The following SMIM8 variants were observed in gnomAD, a reference collection of about 807,000 sequenced individuals.
The protein encoded by SMIM8 is small integral membrane protein 8, also known as UPF0708 protein C6orf162.
SMIM8 carries 8 observed loss-of-function variants against 8.1 expected under a neutral mutation model. That is an observed-to-expected ratio of 0.99 (90% CI 0.58 to 1.78). The LOEUF (loss-of-function observed/expected upper bound fraction) is 1.78. SMIM8 is among the 40% of genes most tolerant of loss of function. The pLI is 0.00. For missense variants in SMIM8, 126 were observed against 119.8 expected, an observed-to-expected ratio of 1.05 and a Z score of -0.24; for synonymous variants, 45 against 39.7, an observed-to-expected ratio of 1.13 and a Z score of -0.50.
At chr6:87,324,630 T>A (rs1311283086) in intron 1 of SMIM8, among the ~76,000 whole-genome samples, 1 of 138,882 alleles carries the variant, frequency 7.2e-6, no homozygotes, top group Admixed American at 7.1e-5. Context: ...TTGATCTATA[T>A]CTCTGTTTTG....
Position 87,333,921 on chromosome 6 carries a change from C to T in SMIM8, c.-23-3088C>T, listed in dbSNP as rs1269756823. 5.3e-5 allele frequency among the ~76,000 whole-genome samples: 8 copies of T among 152,088 alleles called. No individual in the cohort carries two copies. In the South Asian group the frequency reaches 1.2e-3, roughly 24 times the overall value. On this transcript the variant is annotated intron_variant, in intron 2 of 3. Coordinates refer to ENST00000392863, the MANE Select transcript of SMIM8 (RefSeq NM_001042493.3). ...AAAGCAAAGAGGTTTAATTGGCTCA[C>T]GGTTCAGCAGGCTGTACAGGAAGCA...
chr6:87,323,959 T>A (rs913334259), intron 1 of SMIM8, among the ~76,000 whole-genome samples: 1 of 151,470 alleles, frequency 6.6e-6, no homozygotes, highest in African/African-American at 2.4e-5. Flanking sequence ...TTTTAATGAT[T>A]GCCATTCTAA....
At chr6:87,324,063 A>G (rs547658033) in intron 1 of SMIM8, among the ~76,000 whole-genome samples, 1 of 151,234 alleles carries the variant, frequency 6.6e-6, no homozygotes, top group South Asian at 2.1e-4. Flanking sequence ...TTGGCTGCAT[A>G]AATGTCTTCT....
At chr6:87,326,438 A>G (rs1256228384) in intron 1 of SMIM8, among the ~76,000 whole-genome samples, 1 of 151,872 alleles carries the variant, frequency 6.6e-6, no homozygotes, top group East Asian at 1.9e-4. Flanking sequence ...GCTGCTTTGA[A>G]TGCATCCCAG....
At chr6:87,323,887 C>T (rs955139431) in intron 1 of SMIM8, among the ~76,000 whole-genome samples, 1 of 152,112 alleles carries the variant, frequency 6.6e-6, no homozygotes, top group African/African-American at 2.4e-5. Context: ...TTACAGGCCA[C>T]CAACAGTGTA....
chr6:87,335,798 A>G (rs1039477601), intron 2 of SMIM8, among the ~76,000 whole-genome samples: 2 of 143,182 alleles, frequency 1.4e-5, no homozygotes, highest in Non-Finnish European at 3.0e-5. Flanking sequence ...CTTTGTTGCC[A>G]GGAGTTTGAG....
chr6:87,332,875 A>G (rs1278826330), intron 2 of SMIM8, among the ~76,000 whole-genome samples: 1 of 152,174 alleles, frequency 6.6e-6, no homozygotes, highest in African/African-American at 2.4e-5. Flanking sequence ...TAACATGGCC[A>G]TGGGCTATTT....
At position 87,325,097 on chromosome 6, in the gene SMIM8, G is replaced by A. The variant is rs1385692835; in HGVS notation, c.-45+2465G>A. Among the ~76,000 whole-genome samples the A allele has an allele frequency of 2.0e-5, 3 of 152,218 alleles. No individual in the cohort carries two copies. In the East Asian group the frequency reaches 5.8e-4, roughly 29 times the overall value. Reference sequence around the variant, plus strand: ...GTTGCTGGTGTATAAGAATGCTTGTGATTTTTGTACATTGATTTTGTATCC... The same window carrying A: ...GTTGCTGGTGTATAAGAATGCTTGTAATTTTTGTACATTGATTTTGTATCC... On this transcript the variant is annotated intron_variant, in intron 1 of 3. Transcript: ENST00000392863.
At position 87,332,320 on chromosome 6, in the gene SMIM8, C is replaced by CATATATAT. The variant is rs1209129014; in HGVS notation, c.-24+1614_-24+1615insATATATAT. Among the ~76,000 whole-genome samples, 75 of 93,104 alleles carry CATATATAT rather than the reference C, an allele frequency of 8.1e-4. 1 individual carries two copies. The highest frequency in any genetic ancestry group is 2.3e-3 in the African/African-American group (53 of 22,618). The allele number at this position is 93,104 out of a possible 152,430, so 61.1% of individuals were successfully genotyped here. On this transcript the variant is annotated intron_variant, in intron 2 of 3. Coordinates refer to ENST00000392863, the MANE Select transcript of SMIM8 (RefSeq NM_001042493.3). ...TCTTTCTCCTCCTCTCCTCCCCCCC[C>CATATATAT]ATATATGTATATATATATATATAAA... is the stretch of plus-strand genomic sequence containing the variant.
Position 87,340,314 on chromosome 6 carries a change from T to C in SMIM8, c.*40T>C, listed in dbSNP as rs78535719. On this transcript the variant is annotated 3_prime_UTR_variant, in exon 4 of 4. Coordinates refer to ENST00000392863, the MANE Select transcript of SMIM8 (RefSeq NM_001042493.3). The stretch of plus-strand genomic sequence containing the variant: ...GCAGATGGACCTTTATTAAAGGTTC[T>C]GAAATCTTCAAATGAAAGACCTTGT... 4,287 of 1,496,432 alleles carry C rather than the reference T, an allele frequency of 2.9e-3. 101 individuals carry two copies. In the African/African-American group the frequency reaches 0.053, roughly 18 times the overall value. 92.7% of individuals were successfully genotyped at this position (1,496,432 alleles called of 1,614,324 possible).
At chr6:87,326,284 TTGG>T (rs1473574295) in intron 1 of SMIM8, among the ~76,000 whole-genome samples, 1 of 152,252 alleles carries the variant, frequency 6.6e-6, no homozygotes, top group African/African-American at 2.4e-5. Flanking sequence ...TGCTCTGATT[TTGG>T]TTATTTCTTG....
intron 2 of SMIM8, among the ~76,000 whole-genome samples, chr6:87,335,795 G>T (rs1337304041): frequency 7.0e-6 from 1 of 143,620 alleles, no homozygotes; most frequent in Non-Finnish European, 1.5e-5. Flanking sequence ...TTGCTTTGTT[G>T]CCAGGAGTTT....
At chr6:87,328,572 G>A (rs909825062) in intron 1 of SMIM8, among the ~76,000 whole-genome samples, 1 of 152,054 alleles carries the variant, frequency 6.6e-6, no homozygotes, top group African/African-American at 2.4e-5. Context: ...TCGGGGGTCA[G>A]GGGTCAGGGA....
Position 87,340,112 on chromosome 6 carries a change from A to T in SMIM8, c.136-4A>T. 6.5e-7 allele frequency: 1 copy of T among 1,539,168 alleles called. No homozygotes were observed. ...AAGCTTTATAATTTTTTTTTCTTTG[A>T]CAGAACAAACCTGTAATGGCTTTCG... is the stretch of plus-strand genomic sequence containing the variant. On this transcript the variant is annotated splice_polypyrimidine_tract_variant and splice_region_variant and intron_variant, in intron 3 of 3. Transcript: ENST00000392863.
chr6:87,339,931 T>C (rs1371455951), intron 3 of SMIM8, among the ~76,000 whole-genome samples, 185 bp from the exon 4 acceptor site: 4 of 152,172 alleles, frequency 2.6e-5, no homozygotes, highest in Non-Finnish European at 4.4e-5. Flanking sequence ...CTATAATCTC[T>C]AGATAATCAG....
At chr6:87,325,539 T>C (rs983745726) in intron 1 of SMIM8, among the ~76,000 whole-genome samples, 1 of 149,682 alleles carries the variant, frequency 6.7e-6, no homozygotes, top group African/African-American at 2.5e-5. Flanking sequence ...GGTTTTTGTC[T>C]TTGGTTCTGT....
chr6:87,328,902 A>G lies in SMIM8; in HGVS notation c.-44-1790A>G, dbSNP rs1441955192. On this transcript the variant is annotated intron_variant, in intron 1 of 3. Transcript: ENST00000392863. Reference sequence around the variant, plus strand: ...CAGACTGCTGTGCTAGCAATCAGCCAGACTCCGTGGGCGTAGGACCCTCCG... The same window carrying G: ...CAGACTGCTGTGCTAGCAATCAGCCGGACTCCGTGGGCGTAGGACCCTCCG... Among the ~76,000 whole-genome samples, 3 of 152,314 alleles carry G rather than the reference A, an allele frequency of 2.0e-5. No homozygotes were observed. In the East Asian group the frequency reaches 5.8e-4, roughly 29 times the overall value.
At position 87,340,848 on chromosome 6, in the gene SMIM8, G is replaced by C. The variant is rs1488874957; in HGVS notation, c.*574G>C. 1 of 153,192 alleles carries C rather than the reference G, an allele frequency of 6.5e-6. No homozygotes were observed. The highest frequency in any genetic ancestry group is 2.4e-5 in the African/African-American group (1 of 41,288). The allele number at this position is 153,192 out of a possible 1,614,324, so 9.5% of individuals were successfully genotyped here. A position where few individuals can be genotyped will look rare whatever the true frequency, so the allele number is the denominator to read the frequency against. On this transcript the variant is annotated 3_prime_UTR_variant, in exon 4 of 4. Coordinates refer to ENST00000392863, the MANE Select transcript of SMIM8 (RefSeq NM_001042493.3). ...TTCAGTTTCCATTTTAGCTATTTTT[G>C]GGACAGAATTTTATTTTAATGGAAA...
chr6:87,330,012 T>C (rs796975184), intron 1 of SMIM8, among the ~76,000 whole-genome samples: 24 of 152,328 alleles, frequency 1.6e-4, no homozygotes, highest in African/African-American at 5.8e-4. Flanking sequence ...AGTTGTCACT[T>C]AAAGACACAC....
Sources: gnomAD v4.1 joint callset for allele counts (sites outside exome capture counted in the v4.1 genomes callset) on GRCh38, gnomAD v4.1.1 for gene constraint, MANE v1.5 for transcripts, NCBI Gene and HGNC (gene_info 2026-07-23, HGNC 2026-07-21) for gene names.